Variants in FBXL18 observed in about 807,000 individuals in gnomAD.
The protein encoded by FBXL18 is F-box/LRR-repeat protein 18.
In FBXL18, 36 loss-of-function variants were observed where a neutral mutation model predicts 46.0. The observed-to-expected ratio is 0.78, with a 90% CI of 0.60 to 1.03. The LOEUF (loss-of-function observed/expected upper bound fraction) is 1.03. FBXL18 is among the 50% of genes least tolerant of loss of function. The pLI is 0.00. For synonymous variants in FBXL18, 557 were observed against 465.3 expected (o/e 1.20, Z -2.54); for missense variants, 977 against 1,004.1 (o/e 0.97, Z 0.36).
chr7:5,512,346 G>C (rs1030052947), intron 1 of FBXL18, among the ~76,000 whole-genome samples: 15 of 149,852 alleles, frequency 1.0e-4, no homozygotes, highest in African/African-American at 3.7e-4. Flanking sequence ...TGGGTGCTGT[G>C]GCTCACGCCT....
chr7:5,500,592 C>T lies in FBXL18; in HGVS notation c.1677G>A (p.Gln559=). 1 of 1,613,514 alleles carries T rather than the reference C, an allele frequency of 6.2e-7. No homozygotes were observed. The highest frequency in any genetic ancestry group is 8.5e-7 in the Non-Finnish European group (1 of 1,179,902). ...GLVNIGLQCQ[Q]LRSLSLANLG... is the part of the protein sequence containing the mutation. ...GGTTGGCCAGCGACAGGGACCGCAA[C>T]TGCTGGCACTGCAGGCCGATATTGA... The change falls in exon 3 of 5, where the codon CAG becomes CAA. Residue 559 remains glutamine (Q), a synonymous_variant. Transcript: ENST00000382368.
At chr7:5,510,302 C>CAA (rs757878539) in intron 1 of FBXL18, among the ~76,000 whole-genome samples, 10 of 77,554 alleles carry the variant, frequency 1.3e-4, no homozygotes, top group South Asian at 8.6e-4. Flanking sequence ...GACTCTGTCT[C>CAA]AAAAAAAAAA....
At chr7:5,489,095 G>A (rs771952577) in intron 4 of FBXL18, 26 of 340,020 alleles carry the variant, frequency 7.6e-5, no homozygotes, top group Non-Finnish European at 1.4e-4. Flanking sequence ...AAGCAAAGTC[G>A]AGGACACAGT....
Position 5,476,211 on chromosome 7 carries a change from C to G in FBXL18, c.*5564G>C, listed in dbSNP as rs958753628. The G allele has an allele frequency of 3.9e-5, 6 of 152,398 alleles. No individual in the cohort carries two copies. Among genetic ancestry groups the G allele is most frequent in the African/African-American group, 1.5e-4 (6 of 41,146 alleles). The allele number at this position is 152,398 out of a possible 1,614,324, so 9.4% of individuals were successfully genotyped here. A position where few individuals can be genotyped will look rare whatever the true frequency, so the allele number is the denominator to read the frequency against. On this transcript the variant is annotated 3_prime_UTR_variant, in exon 5 of 5. Transcript: ENST00000382368. Reference sequence around the variant, plus strand: ...GCACATGCTTGCCCATGAACACCCCCCGGGCACACACACACCCTTGCACAC... The same window carrying G: ...GCACATGCTTGCCCATGAACACCCCGCGGGCACACACACACCCTTGCACAC...
intron 1 of FBXL18, among the ~76,000 whole-genome samples, chr7:5,510,466 G>A (rs1207591101): frequency 2.0e-5 from 3 of 151,570 alleles, no homozygotes; most frequent in South Asian, 2.1e-4. Flanking sequence ...GGCAGATCAC[G>A]AGGTCAGGAG....
At position 5,480,008 on chromosome 7, in the gene FBXL18, A is replaced by T. The variant is rs566018223; in HGVS notation, c.*1767T>A. Among the ~76,000 whole-genome samples, 7 of 152,086 alleles carry T rather than the reference A, an allele frequency of 4.6e-5. No homozygotes were observed. Among genetic ancestry groups the T allele is most frequent in the African/African-American group, 1.7e-4 (7 of 41,492 alleles). On this transcript the variant is annotated 3_prime_UTR_variant, in exon 5 of 5. Coordinates refer to ENST00000382368, the MANE Select transcript of FBXL18 (RefSeq NM_024963.6). ...GAGGCAGCCTGCACAGGAGGGCTGTACCTCCCCACAGCTCTGACCCCAGTT... is the reference window on the plus strand; with the variant it reads ...GAGGCAGCCTGCACAGGAGGGCTGTTCCTCCCCACAGCTCTGACCCCAGTT...
rs1418772150 is a variant in FBXL18 at position 5,500,443 on chromosome 7, G to A, written c.1781+45C>T. Reference sequence around the variant, plus strand: ...CCACGCGAACGCCCCAGTTCCCTCCGCCAGCTTCCAGCAGAGGCCCGAGAG... The same window carrying A: ...CCACGCGAACGCCCCAGTTCCCTCCACCAGCTTCCAGCAGAGGCCCGAGAG... On this transcript the variant is annotated intron_variant, in intron 3 of 4. Transcript: ENST00000382368. The A allele has an allele frequency of 8.5e-6, 13 of 1,527,758 alleles. No homozygotes were observed. In the Admixed American group the frequency reaches 1.7e-4, roughly 21 times the overall value. 94.6% of individuals were successfully genotyped at this position (1,527,758 alleles called of 1,614,324 possible).
rs1018871813 is a variant in FBXL18 at position 5,496,029 on chromosome 7, C to T, written c.1781+4459G>A. ...TCTCCGCGCCTTCTCCATGGCCCTGCTCCTGAGGAAGGCCCTTGGCCACGG... is the reference window on the plus strand; with the variant it reads ...TCTCCGCGCCTTCTCCATGGCCCTGTTCCTGAGGAAGGCCCTTGGCCACGG... On this transcript the variant is annotated intron_variant, in intron 3 of 4. Coordinates refer to ENST00000382368, the MANE Select transcript of FBXL18 (RefSeq NM_024963.6). This position sits in a 1 kb window ranked among gnomAD's most constrained non-coding sequence, Gnocchi z 4.8. 2.6e-6 allele frequency: 1 copy of T among 383,688 alleles called. No homozygotes were observed. The highest frequency in any genetic ancestry group is 2.1e-5 in the African/African-American group (1 of 47,346). 23.8% of individuals were successfully genotyped at this position (383,688 alleles called of 1,614,324 possible). A position where few individuals can be genotyped will look rare whatever the true frequency, so the allele number is the denominator to read the frequency against.
chr7:5,483,534 C>T (rs1418937133), intron 4 of FBXL18, among the ~76,000 whole-genome samples: 1 of 151,870 alleles, frequency 6.6e-6, no homozygotes, highest in Non-Finnish European at 1.5e-5. Flanking sequence ...CACCTGAGGT[C>T]GGGAGTTCGA....
intron 4 of FBXL18, among the ~76,000 whole-genome samples, chr7:5,465,784 C>T (rs1783332578): frequency 6.6e-6 from 1 of 151,808 alleles, no homozygotes; most frequent in Non-Finnish European, 1.5e-5. Flanking sequence ...TTATACAATA[C>T]ACCCATGTAC....
intron 3 of FBXL18, among the ~76,000 whole-genome samples, chr7:5,492,615 G>A (rs1284188432): frequency 6.6e-6 from 1 of 152,132 alleles, no homozygotes; most frequent in Admixed American, 6.5e-5. Flanking sequence ...AGGCAGGTTT[G>A]TTGCGGATGC....
At position 5,481,912 on chromosome 7, in the gene FBXL18, C is replaced by A. The variant is rs750709622; in HGVS notation, c.2020G>T (p.Ala674Ser). ...LLRSFQAERP[A>S]LNVVIFPLLH... ...AGAGGGAAGATGACGACGTTTAACGCGGGCCGCTCGGCCTGGAAGCTGAAC... is the reference window on the plus strand; with the variant it reads ...AGAGGGAAGATGACGACGTTTAACGAGGGCCGCTCGGCCTGGAAGCTGAAC... Residue 674 changes from alanine (A) to serine (S), a missense_variant, in exon 5 of 5, where the codon GCG becomes TCG. Physicochemically the swap from Ala to Ser is moderately conservative, Grantham distance 99 (BLOSUM62 1). Coordinates refer to ENST00000382368, the MANE Select transcript of FBXL18 (RefSeq NM_024963.6). 3.7e-5 allele frequency: 59 copies of A among 1,608,192 alleles called. No homozygotes were observed. Among genetic ancestry groups the A allele is most frequent in the Non-Finnish European group, 1.2e-5 (14 of 1,176,996 alleles).
At chr7:5,458,102 A>G (rs1368755960) in intron 4 of FBXL18, among the ~76,000 whole-genome samples, 1 of 151,900 alleles carries the variant, frequency 6.6e-6, no homozygotes, top group Non-Finnish European at 1.5e-5. Context: ...CCAAAACCTT[A>G]AACCACAAAC....
chr7:5,470,041 C>G (rs11761546), intron 4 of FBXL18, among the ~76,000 whole-genome samples: 137,996 of 151,988 alleles, frequency 0.91, 62,592 homozygotes, highest in Middle Eastern at 0.95. Flanking sequence ...GGCCGTTGGA[C>G]GAGTGAGTGC....
At position 5,504,855 on chromosome 7, in the gene FBXL18, G is replaced by A. The variant is rs555770826; in HGVS notation, c.237+557C>T. 4.4e-5 allele frequency among the ~76,000 whole-genome samples: 6 copies of A among 134,848 alleles called. No individual in the cohort carries two copies. In the South Asian group the frequency reaches 1.4e-3, roughly 32 times the overall value. The allele number at this position is 134,848 out of a possible 152,430, so 88.5% of individuals were successfully genotyped here. A position where few individuals can be genotyped will look rare whatever the true frequency, so the allele number is the denominator to read the frequency against. ...GGTGTGAACCCGGGAGGCAGAGCTT[G>A]CAGTGAGCCGAGATCATGCCACTGC... On this transcript the variant is annotated intron_variant, in intron 2 of 4. Transcript: ENST00000382368.
intron 4 of FBXL18, among the ~76,000 whole-genome samples, chr7:5,483,515 T>C (rs10280603): frequency 0.45 from 67,483 of 150,132 alleles, 15,460 homozygotes; most frequent in Admixed American, 0.55. Context: ...GAGGCCGAGG[T>C]GGGCAGATCA....
rs1358012691 is a variant in FBXL18, at chr7:5,491,404, C to A, written c.1827G>T (p.Ala609=). 1 of 1,603,974 alleles carries A rather than the reference C, an allele frequency of 6.2e-7. No homozygotes were observed. The change falls in exon 4 of 5, where the codon GCG becomes GCT. Residue 609 remains alanine (A), a synonymous_variant. Coordinates refer to ENST00000382368, the MANE Select transcript of FBXL18 (RefSeq NM_024963.6). ...GCTGCAGCGAGGGGCACTGGCTCAGCGCCTGGAAGAACTGGGCGTTGGCGC... is the reference window on the plus strand; with the variant it reads ...GCTGCAGCGAGGGGCACTGGCTCAGAGCCTGGAAGAACTGGGCGTTGGCGC... ...YFSANAQFFQ[A]LSQCPSLQRL...
intron 4 of FBXL18, 66 bp downstream of exon 4, chr7:5,491,165 G>T: frequency 7.0e-7 from 1 of 1,420,142 alleles, no homozygotes; most frequent in Non-Finnish European, 9.7e-7. Context: ...GAAGGCTGGG[G>T]ACCAGGTCAC....
intron 4 of FBXL18, among the ~76,000 whole-genome samples, chr7:5,488,217 G>T (rs746389275): frequency 6.6e-6 from 1 of 152,248 alleles, no homozygotes; most frequent in Non-Finnish European, 1.5e-5. Context: ...GCAAGCTCCC[G>T]GCCTGCAAGG....
Sources: allele counts gnomAD v4.1 joint callset (sites outside exome capture counted in the v4.1 genomes callset), GRCh38; gene constraint gnomAD v4.1.1; non-coding constraint Gnocchi (gnomAD v3.1); transcripts MANE v1.5; gene names NCBI Gene and HGNC (gene_info 2026-07-23, HGNC 2026-07-21).